PCDH11X: variants seen among roughly 807,000 people sequenced by gnomAD.
PCDH11X encodes protocadherin 11 X-linked.
Under a neutral mutation model 53.3 loss-of-function variants are expected in PCDH11X, and 18 were observed. That is an observed-to-expected ratio of 0.34 (90% CI 0.23 to 0.50). The LOEUF is 0.50. Ranked by LOEUF, PCDH11X falls within the 20% of genes least tolerant of loss-of-function variation. The pLI is 0.98. For synonymous variants in PCDH11X, 279 were observed against 393.3 expected, an observed-to-expected ratio of 0.71 and a Z score of 3.44; for missense variants, 570 against 1,032.4, an observed-to-expected ratio of 0.55 and a Z score of 6.14.
At chrX:91,990,507 C>T (rs935745549) in intron 6 of PCDH11X, among the ~76,000 whole-genome samples, 8 of 111,554 alleles carry the variant, frequency 7.2e-5, no homozygotes, top group African/African-American at 2.6e-4. Context: ...TTCCCTGCTT[C>T]ATGGTATGAT....
At chrX:92,232,171 GT>G (rs1362244011) in intron 7 of PCDH11X, among the ~76,000 whole-genome samples, 3 of 111,759 alleles carry the variant, frequency 2.7e-5, no homozygotes, top group Non-Finnish European at 5.6e-5. Flanking sequence ...AAGTTTCTCT[GT>G]TTTTTCATCA....
At chrX:92,177,062 G>C (rs2065921573) in intron 6 of PCDH11X, among the ~76,000 whole-genome samples, 1 of 105,621 alleles carries the variant, frequency 9.5e-6, no homozygotes, top group Non-Finnish European at 1.9e-5. Flanking sequence ...TGCAACCTCT[G>C]CCTCCCGGGT....
intron 6 of PCDH11X, among the ~76,000 whole-genome samples, chrX:92,188,703 TA>T (rs1178970881): frequency 2.7e-5 from 3 of 111,813 alleles, no homozygotes; most frequent in Non-Finnish European, 5.6e-5. Flanking sequence ...TTAAAAGTCT[TA>T]AAAGTAAAGT....
At chrX:92,272,079 G>A (rs1005386268) in intron 8 of PCDH11X, among the ~76,000 whole-genome samples, 4 of 111,382 alleles carry the variant, frequency 3.6e-5, no homozygotes, top group Non-Finnish European at 7.5e-5. Context: ...AAAGTATCTC[G>A]ACATAAAATA....
intron 10 of PCDH11X, among the ~76,000 whole-genome samples, chrX:92,539,420 T>G (rs1281255697): frequency 9.8e-5 from 11 of 111,928 alleles, no homozygotes; most frequent in Admixed American, 5.7e-4. Context: ...ATTAATCAGC[T>G]CTAGAATTTC....
intron 10 of PCDH11X, among the ~76,000 whole-genome samples, chrX:92,602,297 C>CA (rs757375102): frequency 2.7e-3 from 294 of 110,932 alleles, no homozygotes; most frequent in African/African-American, 9.1e-3. Context: ...TCCATGAGAG[C>CA]AAAAAAATAA....
intron 7 of PCDH11X, among the ~76,000 whole-genome samples, chrX:92,205,229 A>G (rs1184679704): frequency 1.2e-4 from 14 of 112,180 alleles, no homozygotes; most frequent in African/African-American, 4.5e-4. Flanking sequence ...TTTCTTAGTT[A>G]TAATTTTTGC....
intron 10 of PCDH11X, among the ~76,000 whole-genome samples, chrX:92,607,867 T>G (rs1476099936): frequency 9.0e-6 from 1 of 111,505 alleles, no homozygotes; most frequent in Non-Finnish European, 1.9e-5. Flanking sequence ...TGGTTTAATA[T>G]TATCTGAAAT....
At chrX:92,277,871 G>T (rs1042413577) in intron 8 of PCDH11X, among the ~76,000 whole-genome samples, 8 of 110,978 alleles carry the variant, frequency 7.2e-5, no homozygotes, top group Admixed American at 1.9e-4. Flanking sequence ...GGAGAGAAGG[G>T]GTTGGGGTAC....
At chrX:92,363,928 T>C (rs1285438647) in intron 8 of PCDH11X, among the ~76,000 whole-genome samples, 1 of 111,974 alleles carries the variant, frequency 8.9e-6, no homozygotes, top group Non-Finnish European at 1.9e-5. Flanking sequence ...GGTATGTTTT[T>C]CCCTTCATTC....
intron 8 of PCDH11X, among the ~76,000 whole-genome samples, chrX:92,375,166 A>ATATATATACATATATTTTTT (rs1302181048): frequency 1.2e-4 from 1 of 8,261 alleles, no homozygotes; most frequent in African/African-American, 6.2e-4. Context: ...ATATATATAT[A>ATATATATACATATATTTTTT]TTTTTTTTTT....
At chrX:92,439,683 G>C (rs2755035) in intron 9 of PCDH11X, among the ~76,000 whole-genome samples, 1 of 108,609 alleles carries the variant, frequency 9.2e-6, no homozygotes, top group African/African-American at 3.3e-5. Context: ...GGTACACAAA[G>C]AGATATCAAC....
chrX:92,270,112 C>CTTTTTTT (rs760007148), intron 8 of PCDH11X, among the ~76,000 whole-genome samples: 12 of 95,601 alleles, frequency 1.3e-4, no homozygotes, highest in African/African-American at 1.6e-4. Flanking sequence ...GCTTCCTTTT[C>CTTTTTTT]TTTTTTTTTT....
At chrX:92,509,667 A>C (rs181420188) in intron 10 of PCDH11X, among the ~76,000 whole-genome samples, 2 of 111,683 alleles carry the variant, frequency 1.8e-5, no homozygotes, top group East Asian at 5.7e-4. Context: ...GCAACATGAC[A>C]TATGTGGGGA....
intron 6 of PCDH11X, among the ~76,000 whole-genome samples, chrX:92,094,708 C>A (rs181944800): frequency 9.0e-6 from 1 of 111,691 alleles, no homozygotes; most frequent in Admixed American, 9.6e-5. Flanking sequence ...GTGTTTAGGA[C>A]AGTTGGATTT....
intron 8 of PCDH11X, among the ~76,000 whole-genome samples, chrX:92,321,194 G>GTT (rs1413774808): frequency 2.9e-4 from 22 of 76,960 alleles, no homozygotes; most frequent in South Asian, 1.9e-3. Context: ...GTTTTTTTTT[G>GTT]TTTTTTTTTT....
At chrX:91,854,451 C>CA (rs1456261248) in intron 5 of PCDH11X, among the ~76,000 whole-genome samples, 1 of 112,178 alleles carries the variant, frequency 8.9e-6, no homozygotes, top group Non-Finnish European at 1.9e-5. Context: ...AATAGTGCTG[C>CA]AAAAAAGCCT....
chrX:92,387,051 G>A (rs1447950274), intron 8 of PCDH11X, among the ~76,000 whole-genome samples: 1 of 103,098 alleles, frequency 9.7e-6, no homozygotes, highest in African/African-American at 3.5e-5. Context: ...GAAACCAAAT[G>A]CTTCATCTTT....
At chrX:92,172,821 T>C (rs2065844889) in intron 6 of PCDH11X, among the ~76,000 whole-genome samples, 1 of 111,931 alleles carries the variant, frequency 8.9e-6, no homozygotes, top group East Asian at 2.8e-4. Context: ...TGAATGAGTC[T>C]TATTTTTACA....
Sources: gnomAD v4.1 joint callset for allele counts (sites outside exome capture counted in the v4.1 genomes callset) on GRCh38, gnomAD v4.1.1 for gene constraint, MANE v1.5 for transcripts, NCBI Gene and HGNC (gene_info 2026-07-23, HGNC 2026-07-21) for gene names.